Variants in MAST3 observed in about 807,000 individuals in gnomAD.
The protein encoded by MAST3 is microtubule associated serine/threonine kinase 3, also known as microtubule-associated serine/threonine-protein kinase 3.
A neutral mutation model predicts 127.0 loss-of-function variants in MAST3; 43 were observed. The observed-to-expected ratio is 0.34, with a 90% CI of 0.27 to 0.44. The LOEUF (loss-of-function observed/expected upper bound fraction) is 0.44. MAST3 is among the 20% of genes least tolerant of loss of function. The probability of loss-of-function intolerance (pLI) is 1.00; values close to 1 mark genes in which losing one functional copy is unlikely to be tolerated. For synonymous variants in MAST3, 785 were observed against 809.2 expected (o/e 0.97, Z 0.51); for missense variants, 1,390 against 1,919.1 (o/e 0.72, Z 5.15).
chr19:18,114,066 C>T (rs1484057208), intron 3 of MAST3, among the ~76,000 whole-genome samples: 2 of 152,194 alleles, frequency 1.3e-5, no homozygotes, highest in Admixed American at 1.3e-4. Context: ...ACATCCTCAT[C>T]AAGGCCTCAG....
chr19:18,105,059 T>C (rs1213469633), intron 1 of MAST3, among the ~76,000 whole-genome samples: 2 of 152,196 alleles, frequency 1.3e-5, no homozygotes, highest in Non-Finnish European at 2.9e-5. Flanking sequence ...ACATGGCATT[T>C]TGAGAATTTA....
chr19:18,119,305 G>T (rs1343838721), intron 3 of MAST3, among the ~76,000 whole-genome samples: 2 of 152,256 alleles, frequency 1.3e-5, no homozygotes, highest in Non-Finnish European at 1.5e-5. Flanking sequence ...CAGGATCGGG[G>T]AGGGAGGGTG....
chr19:18,134,188 G>C (rs748944400), intron 15 of MAST3, among the ~76,000 whole-genome samples: 1 of 151,332 alleles, frequency 6.6e-6, no homozygotes, highest in Admixed American at 6.6e-5. Flanking sequence ...GACCAACACG[G>C]CAAAACCCCG....
At chr19:18,107,756 G>T in intron 2 of MAST3, 138 bp downstream of exon 2, 1 of 967,106 alleles carries the variant, frequency 1.0e-6, no homozygotes, top group Non-Finnish European at 1.5e-6. Flanking sequence ...CCTCGTGTTT[G>T]CAAAGTGCTT....
chr19:18,134,678 C>T lies in MAST3; in HGVS notation c.1671C>T (p.Ile557=), dbSNP rs376949779. 5 of 1,613,604 alleles carry T rather than the reference C, an allele frequency of 3.1e-6. No homozygotes were observed. The highest frequency in any genetic ancestry group is 2.7e-5 in the African/African-American group (2 of 74,924). ...CCACCAACCTCTATGAGGGCCACAT[C>T]GAGAAGGACGCCCGAGAGTTCATCG... ...SMATNLYEGH[I]EKDAREFIDK... is the part of the protein sequence containing the mutation. The change falls in exon 16 of 28, where the codon ATC becomes ATT. Residue 557 remains isoleucine, a synonymous_variant. Transcript: ENST00000687212.
At chr19:18,140,543 T>C (rs2042361231) in intron 20 of MAST3, among the ~76,000 whole-genome samples, 1 of 152,178 alleles carries the variant, frequency 6.6e-6, no homozygotes, top group African/African-American at 2.4e-5. Context: ...TCCATCTTTA[T>C]GGATTTGCCT....
intron 1 of MAST3, among the ~76,000 whole-genome samples, chr19:18,103,357 G>A (rs889127558): frequency 1.3e-5 from 2 of 152,110 alleles, no homozygotes; most frequent in African/African-American, 4.8e-5. Flanking sequence ...GACCAACATG[G>A]TGAAATCCTA....
At chr19:18,118,204 C>G (rs923532044) in intron 3 of MAST3, 2 of 985,282 alleles carry the variant, frequency 2.0e-6, no homozygotes, top group African/African-American at 3.5e-5. Context: ...TGGCGGCTCC[C>G]GGCCATCGGA....
In MAST3 at chr19:18,122,706, C is replaced by G; in HGVS notation, c.354C>G (p.Leu118=). 1 of 1,613,586 alleles carries G rather than the reference C, an allele frequency of 6.2e-7. No individual in the cohort carries two copies. Among genetic ancestry groups the G allele is most frequent in the Non-Finnish European group, 8.5e-7 (1 of 1,179,718 alleles). Residue 118 remains leucine (L), a synonymous_variant, in exon 6 of 28, where the codon CTC becomes CTG. Transcript: ENST00000687212. ...ADGRRWSLAS[L]PSSGYGTNTP... ...GCAGAAGATGGTCCCTCGCGTCTCT[C>G]CCATCTTCCGGCTATGGAACCAACA... is the stretch of plus-strand genomic sequence containing the variant.
chr19:18,102,989 C>T lies in MAST3; in HGVS notation c.40-4598C>T, dbSNP rs146714996. 5.5e-4 allele frequency among the ~76,000 whole-genome samples: 84 copies of T among 151,952 alleles called. 1 individual carries two copies. The East Asian group carries it at 0.014, about 25-fold the overall frequency. ...GGCAGCATCCCCCAGCCTGGGCAAG[C>T]GCAGACGGGTATACCATAAATATTA... On this transcript the variant is annotated intron_variant, in intron 1 of 27. Transcript: ENST00000687212.
At chr19:18,143,642 T>C in intron 21 of MAST3, 121 bp from the exon 22 acceptor site, 1 of 1,279,034 alleles carries the variant, frequency 7.8e-7, no homozygotes, top group Non-Finnish European at 1.1e-6. Context: ...AAGGAACTCG[T>C]CCTGTCTATG....
chr19:18,107,767 C>A, intron 2 of MAST3, 149 bp downstream of exon 2: 1 of 876,860 alleles, frequency 1.1e-6, no homozygotes, highest in Non-Finnish European at 1.8e-6. Context: ...CAAAGTGCTT[C>A]ACAAGCACCT....
At chr19:18,137,921 T>G (rs1222606936) in intron 19 of MAST3, among the ~76,000 whole-genome samples, 1 of 152,128 alleles carries the variant, frequency 6.6e-6, no homozygotes, top group Non-Finnish European at 1.5e-5. Context: ...ATGCACAATT[T>G]TGGCCAGGCG....
At chr19:18,137,799 G>C (rs117045740) in intron 19 of MAST3, among the ~76,000 whole-genome samples, 2 of 152,214 alleles carry the variant, frequency 1.3e-5, no homozygotes, top group African/African-American at 4.8e-5. Flanking sequence ...CCCACTTGGG[G>C]TTCCTGCCCT....
intron 1 of MAST3, among the ~76,000 whole-genome samples, chr19:18,100,128 C>CTCTTTTTTTTTTTTTTTTTTTTTTTTG (rs776661078): frequency 8.2e-6 from 1 of 121,720 alleles, no homozygotes; most frequent in Non-Finnish European, 1.8e-5. Flanking sequence ...CTCTCTCTCT[C>CTCTTTTTTTTTTTTTTTTTTTTTTTTG]TTTTTTTTTT....
chr19:18,121,196 C>T (rs1184956953), intron 3 of MAST3, among the ~76,000 whole-genome samples: 1 of 152,024 alleles, frequency 6.6e-6, no homozygotes, highest in Non-Finnish European at 1.5e-5. Flanking sequence ...TGTGCTGTCA[C>T]CTAGGCTGGA....
intron 14 of MAST3, among the ~76,000 whole-genome samples, chr19:18,131,372 C>T (rs1480083294): frequency 2.2e-5 from 2 of 89,274 alleles, no homozygotes; most frequent in Non-Finnish European, 5.3e-5. Context: ...GAGCGGGCAA[C>T]AGAGTGAGAC....
chr19:18,136,858 GC>G (rs2041943795), intron 18 of MAST3, among the ~76,000 whole-genome samples: 1 of 151,824 alleles, frequency 6.6e-6, no homozygotes, highest in Non-Finnish European at 1.5e-5. Context: ...TTGCTTTGTT[GC>G]CCAGGTTGGA....
Position 18,134,714 on chromosome 19 carries a change from G to T in MAST3, c.1704+3G>T. The T allele has an allele frequency of 6.2e-7, 1 of 1,612,672 alleles. No individual in the cohort carries two copies. Among genetic ancestry groups the T allele is most frequent in the East Asian group, 2.2e-5 (1 of 44,852 alleles). On this transcript the variant is annotated splice_donor_region_variant and intron_variant, in intron 16 of 27. Coordinates refer to ENST00000687212, the MANE Select transcript of MAST3 (RefSeq NM_001393504.1). ...CCCGAGAGTTCATCGACAAGCAGGT[G>T]GGCGGGCAGGTGGGTGGGCAGCCCC... is the stretch of plus-strand genomic sequence containing the variant.
Sources: allele counts gnomAD v4.1 joint callset (sites outside exome capture counted in the v4.1 genomes callset), GRCh38; gene constraint gnomAD v4.1.1; transcripts MANE v1.5; gene names NCBI Gene and HGNC (gene_info 2026-07-23, HGNC 2026-07-21).